The following CIBAR1 variants were observed in gnomAD, a reference collection of about 807,000 sequenced individuals.
The protein encoded by CIBAR1 is CBY1-interacting BAR domain-containing protein 1.
CIBAR1 carries 25 observed loss-of-function variants against 44.0 expected under a neutral mutation model. That is an observed-to-expected ratio of 0.57 (90% CI 0.41 to 0.79). CIBAR1 has a LOEUF of 0.79. Among genes scored for constraint, CIBAR1 ranks in the 30% least tolerant of loss-of-function variants. CIBAR1 has a pLI of 0.00. For missense variants in CIBAR1, 278 were observed against 344.8 expected (o/e 0.81, Z 1.53); for synonymous variants, 115 against 119.0 (o/e 0.97, Z 0.22).
At chr8:93,708,899 C>T (rs965656329) in intron 5 of CIBAR1, among the ~76,000 whole-genome samples, 19 of 152,198 alleles carry the variant, frequency 1.2e-4, no homozygotes, top group Non-Finnish European at 1.5e-5. Flanking sequence ...ATAGCTGTCT[C>T]TCTACTGTGT....
rs1279107397 is a variant in CIBAR1 at position 93,729,353 on chromosome 8, C to T, written c.*1056C>T. 1 of 152,058 alleles carries T rather than the reference C, an allele frequency of 6.6e-6. No individual in the cohort carries two copies. The highest frequency in any genetic ancestry group is 2.4e-5 in the African/African-American group (1 of 41,412). The allele number at this position is 152,058 out of a possible 1,614,324, so 9.4% of individuals were successfully genotyped here. A position where few individuals can be genotyped will look rare whatever the true frequency, so the allele number is the denominator to read the frequency against. On this transcript the variant is annotated 3_prime_UTR_variant, in exon 9 of 9. Transcript: ENST00000518322. ...GTACTTTTTTGTAAAATATTTAAAA[C>T]ATTTTAAAACCCTAAATTGATATTC... is the stretch of plus-strand genomic sequence containing the variant.
chr8:93,701,057 G>A, intron 1 of CIBAR1, 167 bp from the exon 2 acceptor site: 1 of 1,466,000 alleles, frequency 6.8e-7, no homozygotes, highest in South Asian at 1.4e-5. Flanking sequence ...CGGATAGTGA[G>A]GTCAGGACCC....
At position 93,718,664 on chromosome 8, in the gene CIBAR1, GT is replaced by G. The variant is rs749874325; in HGVS notation, c.544-3del. The G allele has an allele frequency of 8.9e-5, 129 of 1,447,276 alleles. No homozygotes were observed. Among genetic ancestry groups the G allele is most frequent in the Non-Finnish European group, 1.1e-4 (119 of 1,068,232 alleles). The allele number at this position is 1,447,276 out of a possible 1,614,324, so 89.7% of individuals were successfully genotyped here. On this transcript the variant is annotated splice_polypyrimidine_tract_variant and intron_variant, in intron 6 of 8. Transcript: ENST00000518322. ...ATCATTGTTTAAATTCAATTCTTTG[GT>G]TTTTTTTAGACTATATTTTCTGAAT...
intron 1 of CIBAR1, chr8:93,700,952 G>C (rs1047077942): frequency 7.3e-7 from 1 of 1,371,520 alleles, no homozygotes. Context: ...GCAGCCGGGC[G>C]CCCAGGCCGC....
chr8:93,712,004 A>G (rs1416099351), intron 6 of CIBAR1, among the ~76,000 whole-genome samples: 3 of 152,188 alleles, frequency 2.0e-5, no homozygotes, highest in Non-Finnish European at 4.4e-5. Context: ...GCTTTTCTCT[A>G]TTGTGCCCCC....
At chr8:93,727,299 T>C (rs1811561479) in intron 8 of CIBAR1, 1 of 909,340 alleles carries the variant, frequency 1.1e-6, no homozygotes, top group Non-Finnish European at 1.5e-6. Context: ...AAGCATTTAT[T>C]TTGTTTTATA....
At chr8:93,712,596 T>C (rs1563644190) in intron 6 of CIBAR1, among the ~76,000 whole-genome samples, 1 of 152,206 alleles carries the variant, frequency 6.6e-6, no homozygotes, top group Non-Finnish European at 1.5e-5. Flanking sequence ...ACTTTATGCT[T>C]AAGCATTTGA....
intron 8 of CIBAR1, 47 bp downstream of exon 8, chr8:93,726,560 G>T: frequency 6.3e-7 from 1 of 1,599,158 alleles, no homozygotes; most frequent in East Asian, 2.2e-5. Flanking sequence ...GCTGCCTTTG[G>T]AATTGTTGAG....
chr8:93,702,912 T>G (rs1352726971), intron 2 of CIBAR1, among the ~76,000 whole-genome samples: 2 of 152,188 alleles, frequency 1.3e-5, no homozygotes, highest in Non-Finnish European at 2.9e-5. Flanking sequence ...GTTATTTTTC[T>G]TATGCTATAT....
intron 2 of CIBAR1, among the ~76,000 whole-genome samples, chr8:93,702,766 A>T (rs1024986761): frequency 1.3e-5 from 2 of 152,208 alleles, no homozygotes; most frequent in African/African-American, 4.8e-5. Context: ...AAGAAAAATC[A>T]ATATGAAATT....
intron 6 of CIBAR1, 27 bp from the exon 7 acceptor site, chr8:93,718,648 T>A: frequency 2.3e-6 from 3 of 1,298,360 alleles, no homozygotes; most frequent in Non-Finnish European, 3.2e-6. Context: ...AATCATTGTT[T>A]AAATTCAATT....
At chr8:93,726,682 T>C in intron 8 of CIBAR1, 169 bp downstream of exon 8, 1 of 713,366 alleles carries the variant, frequency 1.4e-6, no homozygotes, top group Non-Finnish European at 2.3e-6. Context: ...AGCTCTATTA[T>C]TTCTTAATTA....
At chr8:93,725,609 T>TA (rs530604427) in intron 7 of CIBAR1, among the ~76,000 whole-genome samples, 130 of 144,766 alleles carry the variant, frequency 9.0e-4, no homozygotes, top group South Asian at 3.3e-3. Flanking sequence ...TTGAGATAAC[T>TA]AAAAAAAAAA....
At chr8:93,701,150 T>C in intron 1 of CIBAR1, 74 bp from the exon 2 acceptor site, 1 of 1,539,064 alleles carries the variant, frequency 6.5e-7, no homozygotes, top group South Asian at 1.2e-5. Flanking sequence ...GGGGAATGTT[T>C]GCATGTTAAA....
chr8:93,711,036 A>C (rs1205256776), intron 6 of CIBAR1, among the ~76,000 whole-genome samples: 1 of 152,168 alleles, frequency 6.6e-6, no homozygotes, highest in Non-Finnish European at 1.5e-5. Flanking sequence ...AACCACGTAA[A>C]TTTGCATCTA....
intron 5 of CIBAR1, 54 bp downstream of exon 5, chr8:93,708,070 C>T (rs1436572573): frequency 1.5e-6 from 2 of 1,365,186 alleles, no homozygotes; most frequent in Non-Finnish European, 2.0e-6. Context: ...AACCCTTTTA[C>T]TTGTTTCAAT....
At chr8:93,717,280 A>G (rs1034035232) in intron 6 of CIBAR1, among the ~76,000 whole-genome samples, 2 of 152,248 alleles carry the variant, frequency 1.3e-5, no homozygotes, top group East Asian at 3.8e-4. Flanking sequence ...TAAGGACACT[A>G]ACAACTAAGA....
Position 93,701,537 on chromosome 8 carries a change from T to C in CIBAR1, c.261+79T>C, listed in dbSNP as rs913903121. ...TGAAGGAACCGTGGAAACTTTCACT[T>C]GTAATCTACCTAACTGCAGAGGTGG... On this transcript the variant is annotated intron_variant, in intron 2 of 8. Coordinates refer to ENST00000518322, the MANE Select transcript of CIBAR1 (RefSeq NM_145269.5). 1.3e-5 allele frequency: 16 copies of C among 1,228,216 alleles called. No individual in the cohort carries two copies. In the East Asian group the frequency reaches 4.0e-4, roughly 31 times the overall value. The allele number at this position is 1,228,216 out of a possible 1,614,324, so 76.1% of individuals were successfully genotyped here. A position where few individuals can be genotyped will look rare whatever the true frequency, so the allele number is the denominator to read the frequency against.
At chr8:93,707,917 TG>T (rs1810664445) in intron 4 of CIBAR1, 93 bp from the exon 5 acceptor site, 2 of 760,374 alleles carry the variant, frequency 2.6e-6, no homozygotes, top group Non-Finnish European at 4.1e-6. Context: ...ATAACCTAAT[TG>T]TAAGTGTATA....
Sources: gnomAD v4.1 joint callset for allele counts (sites outside exome capture counted in the v4.1 genomes callset) on GRCh38, gnomAD v4.1.1 for gene constraint, MANE v1.5 for transcripts, NCBI Gene and HGNC (gene_info 2026-07-23, HGNC 2026-07-21) for gene names.